HMGCS2: variants seen among roughly 807,000 people sequenced by gnomAD.
HMGCS2 encodes the protein 3-hydroxy-3-methylglutaryl-CoA synthase 2.
In HMGCS2, 50 loss-of-function variants were observed where a neutral mutation model predicts 57.4. The observed-to-expected ratio is 0.87, with a 90% CI of 0.69 to 1.10. HMGCS2 has a LOEUF of 1.10. HMGCS2 is among the 50% of genes least tolerant of loss of function. HMGCS2 has a pLI of 0.00. For synonymous variants in HMGCS2, 254 were observed against 245.1 expected (o/e 1.04, Z -0.34); for missense variants, 627 against 636.5 (o/e 0.99, Z 0.16).
intron 2 of HMGCS2, among the ~76,000 whole-genome samples, chr1:119,760,732 G>T (rs1277773846): frequency 1.3e-5 from 2 of 152,142 alleles, no homozygotes; most frequent in African/African-American, 4.8e-5. Context: ...AAGTTTGTGG[G>T]TGAGATATGG....
chr1:119,755,766 T>A (rs1652818762), intron 5 of HMGCS2, among the ~76,000 whole-genome samples, 169 bp from the exon 6 acceptor site: 1 of 152,190 alleles, frequency 6.6e-6, no homozygotes, highest in Admixed American at 6.5e-5. Context: ...GCCTTACCAT[T>A]CAGAGAGAGT....
chr1:119,757,087 T>G (rs1229843045), intron 5 of HMGCS2, among the ~76,000 whole-genome samples, 186 bp downstream of exon 5: 1 of 152,124 alleles, frequency 6.6e-6, no homozygotes, highest in African/African-American at 2.4e-5. Flanking sequence ...CTGCAATAAC[T>G]CATGGAGGGC....
rs1373543854 is a variant in HMGCS2, at chr1:119,748,156, G to A, written c.*691C>T. On this transcript the variant is annotated 3_prime_UTR_variant, in exon 10 of 10. Transcript: ENST00000369406. The stretch of plus-strand genomic sequence containing the variant: ...GTCTGCTGCTCTCTGTCTATGTGGT[G>A]TCTTTAGAACAGGGAAGTGGGCTGG... 3 of 152,288 alleles carry A rather than the reference G, an allele frequency of 2.0e-5. No homozygotes were observed. Among genetic ancestry groups the A allele is most frequent in the African/African-American group, 7.2e-5 (3 of 41,472 alleles). 9.4% of individuals were successfully genotyped at this position (152,288 alleles called of 1,614,324 possible).
chr1:119,760,755 TA>T (rs1004303392), intron 2 of HMGCS2, among the ~76,000 whole-genome samples: 1 of 152,194 alleles, frequency 6.6e-6, no homozygotes, highest in African/African-American at 2.4e-5. Flanking sequence ...GTAATTTTAG[TA>T]TTCTGACCTG....
intron 9 of HMGCS2, among the ~76,000 whole-genome samples, chr1:119,749,098 G>T (rs1221047508): frequency 1.3e-5 from 2 of 152,254 alleles, no homozygotes; most frequent in Admixed American, 6.5e-5. Context: ...GGCAGGCTAG[G>T]GCGCTGCAGA....
chr1:119,755,640 G>T (rs372412388), intron 5 of HMGCS2, 43 bp from the exon 6 acceptor site: 12 of 1,584,272 alleles, frequency 7.6e-6, no homozygotes, highest in African/African-American at 1.3e-5. Flanking sequence ...GCCAGGGGAC[G>T]GGAGGCAGGG....
At chr1:119,763,050 G>A (rs1023697762) in intron 2 of HMGCS2, among the ~76,000 whole-genome samples, 1 of 152,072 alleles carries the variant, frequency 6.6e-6, no homozygotes, top group African/African-American at 2.4e-5. Context: ...AGTAGGAGAG[G>A]CACTTTAAGA....
intron 2 of HMGCS2, among the ~76,000 whole-genome samples, chr1:119,762,454 A>G (rs968040443): frequency 1.3e-5 from 2 of 151,992 alleles, no homozygotes; most frequent in Non-Finnish European, 2.9e-5. Context: ...CATTTAAAAA[A>G]AAAAACACAA....
At chr1:119,749,057 G>A (rs966349300) in intron 9 of HMGCS2, among the ~76,000 whole-genome samples, 2 of 152,152 alleles carry the variant, frequency 1.3e-5, no homozygotes, top group East Asian at 1.9e-4. Context: ...GGTCCCCGTC[G>A]CACATCTGCC....
In HMGCS2 at chr1:119,764,429, T is replaced by A. The variant is rs751909473; in HGVS notation, c.302A>T (p.Asp101Val). ...TRMGFCSVQEDINSLCLTVVQ... is the reference protein window; with the variant it reads ...TRMGFCSVQEVINSLCLTVVQ... ...CACCGTCAGGCACAGGGAGTTGATGTCCTCTTGGACTGAGCAGAAGCCCAT... is the reference window on the plus strand; with the variant it reads ...CACCGTCAGGCACAGGGAGTTGATGACCTCTTGGACTGAGCAGAAGCCCAT... Residue 101 changes from aspartate to valine, a missense_variant, in exon 2 of 10, where the codon GAC (aspartate) becomes GTC (valine). Physicochemically the swap from Asp to Val is radical, Grantham distance 152. Coordinates refer to ENST00000369406, the MANE Select transcript of HMGCS2 (RefSeq NM_005518.4). 6.2e-7 allele frequency: 1 copy of A among 1,614,104 alleles called. No individual in the cohort carries two copies. The highest frequency in any genetic ancestry group is 8.5e-7 in the Non-Finnish European group (1 of 1,180,042).
Position 119,752,676 on chromosome 1 carries a change from T to C in HMGCS2, c.1295-2A>G. On this transcript the variant is annotated splice_acceptor_variant, in intron 7 of 9. Coordinates refer to ENST00000369406, the MANE Select transcript of HMGCS2 (RefSeq NM_005518.4). LOFTEE classifies it high-confidence loss of function. ...ACACCAACTTGTCCAGGGGAGAGCC[T>C]GGGAAGCAAAAGCAAGATTGTTACA... 1 of 1,614,100 alleles carries C rather than the reference T, an allele frequency of 6.2e-7. No individual in the cohort carries two copies. Among genetic ancestry groups the C allele is most frequent in the Non-Finnish European group, 8.5e-7 (1 of 1,179,964 alleles).
intron 7 of HMGCS2, among the ~76,000 whole-genome samples, chr1:119,752,933 C>T (rs1292154885): frequency 6.6e-6 from 1 of 152,150 alleles, no homozygotes; most frequent in East Asian, 1.9e-4. Flanking sequence ...ACAAAATAAT[C>T]AATAAATTCT....
intron 2 of HMGCS2, among the ~76,000 whole-genome samples, chr1:119,761,073 A>G (rs945462684): frequency 1.3e-5 from 2 of 149,678 alleles, no homozygotes; most frequent in Admixed American, 6.7e-5. Flanking sequence ...TGCTATGTGC[A>G]TGTGTGTGTG....
chr1:119,765,450 AT>A (rs1170694620), intron 1 of HMGCS2, among the ~76,000 whole-genome samples: 3 of 152,086 alleles, frequency 2.0e-5, no homozygotes, highest in Non-Finnish European at 4.4e-5. Context: ...TTGTTCTTTT[AT>A]TCCTCCTTTC....
At chr1:119,766,585 A>G (rs1039393145) in intron 1 of HMGCS2, among the ~76,000 whole-genome samples, 2 of 152,166 alleles carry the variant, frequency 1.3e-5, no homozygotes, top group African/African-American at 4.8e-5. Flanking sequence ...TTCCCTATTT[A>G]TTTGACTCCC....
chr1:119,752,532 C>T lies in HMGCS2; in HGVS notation c.1420+17G>A. The T allele has an allele frequency of 6.2e-7, 1 of 1,613,528 alleles. No individual in the cohort carries two copies. On this transcript the variant is annotated intron_variant, in intron 8 of 9. Coordinates refer to ENST00000369406, the MANE Select transcript of HMGCS2 (RefSeq NM_005518.4). Reference sequence around the variant, plus strand: ...GGAATGGGGTCTCTCTTCCTCTCTTCCTGACTTTTTTCTTACCCTTATGGT... The same window carrying T: ...GGAATGGGGTCTCTCTTCCTCTCTTTCTGACTTTTTTCTTACCCTTATGGT...
rs1418038381 is a variant in HMGCS2, at chr1:119,748,004, T to G, written c.*843A>C. 6.6e-6 allele frequency: 1 copy of G among 152,242 alleles called. No homozygotes were observed. The highest frequency in any genetic ancestry group is 2.1e-4 in the South Asian group (1 of 4,836). 9.4% of individuals were successfully genotyped at this position (152,242 alleles called of 1,614,324 possible). ...TAATTTCCTGCCAGGCATCAAAATTTATTTATTTTTTTATTTTTGGCTATA... is the reference window on the plus strand; with the variant it reads ...TAATTTCCTGCCAGGCATCAAAATTGATTTATTTTTTTATTTTTGGCTATA... On this transcript the variant is annotated 3_prime_UTR_variant, in exon 10 of 10. Coordinates refer to ENST00000369406, the MANE Select transcript of HMGCS2 (RefSeq NM_005518.4).
In HMGCS2 at chr1:119,759,122, C is replaced by T. The variant is rs202211261; in HGVS notation, c.846G>A (p.Lys282=). ...SYRKKIQNQW[K]QAGSDRPFTL... ...TCTGCCCTCTGAATCTCATACCTTG[C>T]TTCCACTGATTCTGGATTTTTTTAC... The change falls in exon 4 of 10, where the codon AAG becomes AAA. Residue 282 remains lysine (K), a synonymous_variant. Coordinates refer to ENST00000369406, the MANE Select transcript of HMGCS2 (RefSeq NM_005518.4). 2 of 1,614,098 alleles carry T rather than the reference C, an allele frequency of 1.2e-6. No homozygotes were observed. The highest frequency in any genetic ancestry group is 1.7e-6 in the Non-Finnish European group (2 of 1,180,022).
At chr1:119,763,657 G>A (rs1167366587) in intron 2 of HMGCS2, among the ~76,000 whole-genome samples, 2 of 152,168 alleles carry the variant, frequency 1.3e-5, no homozygotes, top group Non-Finnish European at 2.9e-5. Flanking sequence ...TAAGCAAAAA[G>A]CAATATGCAA....
Sources: allele counts gnomAD v4.1 joint callset (sites outside exome capture counted in the v4.1 genomes callset), GRCh38; gene constraint gnomAD v4.1.1; transcripts MANE v1.5; gene names NCBI Gene and HGNC (gene_info 2026-07-23, HGNC 2026-07-21).